Variants in MDN1 observed in about 807,000 individuals in gnomAD.
The protein encoded by MDN1 is midasin AAA ATPase 1.
MDN1 carries 266 observed loss-of-function variants against 669.2 expected under a neutral mutation model. That is an observed-to-expected ratio of 0.40 (90% confidence interval 0.36 to 0.44). The LOEUF is 0.44. Among genes scored for constraint, MDN1 ranks in the 20% least tolerant of loss-of-function variants. The pLI, the probability that MDN1 is intolerant of heterozygous loss-of-function variation, is 1.00. For synonymous variants in MDN1, 2,385 were observed against 2,457.1 expected, an observed-to-expected ratio of 0.97 and a Z score of 0.87; for missense variants, 5,940 against 6,754.0, an observed-to-expected ratio of 0.88 and a Z score of 4.22.
At chr6:89,815,206 G>T in intron 1 of MDN1, 2 of 385,102 alleles carry the variant, frequency 5.2e-6, no homozygotes, top group Admixed American at 3.5e-5. Context: ...CAGTGGAGGC[G>T]GGAGACTGCC....
intron 95 of MDN1, among the ~76,000 whole-genome samples, chr6:89,651,479 G>C (rs568246904): frequency 1.2e-3 from 185 of 152,220 alleles, no homozygotes; most frequent in African/African-American, 4.3e-3. Flanking sequence ...AGTCGGGCGT[G>C]GTGGCAAGTG....
intron 5 of MDN1, among the ~76,000 whole-genome samples, chr6:89,793,137 T>C (rs1191008731): frequency 2.6e-5 from 4 of 152,138 alleles, no homozygotes; most frequent in African/African-American, 2.4e-5. Flanking sequence ...TTGTTGCATA[T>C]GGGAGAGAGG....
In MDN1 at chr6:89,658,562, C is replaced by T. The variant is rs147410314; in HGVS notation, c.15021+48G>A. 7.7e-3 allele frequency: 12,097 copies of T among 1,566,032 alleles called. 63 individuals carry two copies. The highest frequency in any genetic ancestry group is 8.5e-3 in the Non-Finnish European group (9,840 of 1,155,164). ...TTCTAATGGGAATAAGGTGACTTCTCCTCTTCCTCATTATTTTTAACATAA... is the reference window on the plus strand; with the variant it reads ...TTCTAATGGGAATAAGGTGACTTCTTCTCTTCCTCATTATTTTTAACATAA... On this transcript the variant is annotated intron_variant, in intron 89 of 101. Transcript: ENST00000369393.
At chr6:89,771,332 C>G (rs1818067864) in intron 15 of MDN1, among the ~76,000 whole-genome samples, 1 of 152,156 alleles carries the variant, frequency 6.6e-6, no homozygotes, top group South Asian at 2.1e-4. Context: ...TTCCTTCCCA[C>G]TTTAGCCCCT....
chr6:89,664,793 T>C (rs1027804411), intron 84 of MDN1, among the ~76,000 whole-genome samples, 165 bp from the exon 85 acceptor site: 1 of 152,224 alleles, frequency 6.6e-6, no homozygotes, highest in Non-Finnish European at 1.5e-5. Context: ...TTTCTGGAGT[T>C]AGTTTCCACT....
chr6:89,704,091 G>A (rs544546202), intron 53 of MDN1, among the ~76,000 whole-genome samples: 1 of 151,920 alleles, frequency 6.6e-6, no homozygotes, highest in African/African-American at 2.4e-5. Flanking sequence ...TTAGAATTCT[G>A]AAAAACTGGC....
rs750275082 is a variant in MDN1 at position 89,688,153 on chromosome 6, T to C, written c.11280A>G (p.Arg3760=). 1 of 1,613,982 alleles carries C rather than the reference T, an allele frequency of 6.2e-7. No homozygotes were observed. Among genetic ancestry groups the C allele is most frequent in the Non-Finnish European group, 8.5e-7 (1 of 1,179,942 alleles). Residue 3760 remains arginine (R), a synonymous_variant, in exon 67 of 102, where the codon AGA becomes AGG. Coordinates refer to ENST00000369393, the MANE Select transcript of MDN1 (RefSeq NM_014611.3). ...GACTGGAAAGTGGGAAACTACGAAT[T>C]CTGTCCATTACAACCAGGAGCTGCA... ...ALEQLLVVMD[R]IRSFPLSSPI...
At chr6:89,661,841 G>T (rs538381173) in intron 87 of MDN1, among the ~76,000 whole-genome samples, 3 of 152,178 alleles carry the variant, frequency 2.0e-5, no homozygotes, top group African/African-American at 7.2e-5. Context: ...AAATAAACAA[G>T]GGATCACAGG....
intron 2 of MDN1, among the ~76,000 whole-genome samples, chr6:89,795,752 T>A (rs1819557900): frequency 6.6e-6 from 1 of 151,706 alleles, no homozygotes; most frequent in African/African-American, 2.4e-5. Context: ...TCAGGAGTTC[T>A]AGACAGCTGG....
rs760167377 is a variant in MDN1 at position 89,780,281 on chromosome 6, A to G, written c.1656T>C (p.Asn552=). The G allele has an allele frequency of 1.3e-6, 2 of 1,573,002 alleles. No individual in the cohort carries two copies. The highest frequency in any genetic ancestry group is 1.7e-6 in the Non-Finnish European group (2 of 1,162,098). The change falls in exon 11 of 102, where the codon AAT becomes AAC. Residue 552 remains asparagine (N), a synonymous_variant. Transcript: ENST00000369393. ...GRELSLRDLL[N]WCNRIAHSFD... ...AGCTATGGGCAATCCTATTACACCA[A>G]TTCAGCAGATCCCTTTAAAAAAAAG...
At chr6:89,673,204 C>CT (rs757262712) in intron 80 of MDN1, 32 bp downstream of exon 80, 1 of 1,547,148 alleles carries the variant, frequency 6.5e-7, no homozygotes, top group South Asian at 1.1e-5. Flanking sequence ...CTACACTGGA[C>CT]TTTCATTCCC....
chr6:89,781,656 A>C, intron 9 of MDN1, 64 bp from the exon 10 acceptor site: 1 of 1,406,818 alleles, frequency 7.1e-7, no homozygotes, highest in Non-Finnish European at 9.6e-7. Flanking sequence ...AAGCACACAA[A>C]CTACTGCTGA....
intron 86 of MDN1, 53 bp from the exon 87 acceptor site, chr6:89,662,292 T>G: frequency 6.4e-7 from 1 of 1,562,682 alleles, no homozygotes; most frequent in Non-Finnish European, 8.7e-7. Flanking sequence ...AAGAAACTGC[T>G]TCTGCATGGG....
At chr6:89,664,685 C>G in intron 84 of MDN1, 57 bp from the exon 85 acceptor site, 1 of 1,422,494 alleles carries the variant, frequency 7.0e-7, no homozygotes, top group South Asian at 1.2e-5. Flanking sequence ...TTTGCTTCAG[C>G]TGTGAGATAT....
Position 89,772,705 on chromosome 6 carries a change from C to T in MDN1, c.1951G>A (p.Ala651Thr), listed in dbSNP as rs780595213. 8.7e-6 allele frequency: 14 copies of T among 1,613,240 alleles called. No individual in the cohort carries two copies. The East Asian group carries it at 2.0e-4, about 23-fold the overall frequency. ...AGAACAGAGGACGGCCGTGTAGCAG[C>T]GAAAGTGAACTTCTCCCTGGGAAGG... The part of the protein sequence containing the change: ...VHLQREKFTF[A>T]ATRPSSVLIE... Residue 651 changes from alanine (A) to threonine (T), a missense_variant, in exon 14 of 102, where the codon GCT becomes ACT. Ala to Thr is a moderately conservative substitution (Grantham distance 58). This residue lies in a region of MDN1 where 1,203 missense variants were observed against 1,268.9 expected (regional missense o/e 0.95). Coordinates refer to ENST00000369393, the MANE Select transcript of MDN1 (RefSeq NM_014611.3).
chr6:89,797,717 T>C (rs1584387758), intron 2 of MDN1: 1 of 426,522 alleles, frequency 2.3e-6, no homozygotes, highest in Admixed American at 2.9e-5. Context: ...ATTACAGAGG[T>C]GGGTTTGAAT....
chr6:89,697,835 G>A (rs1370774011), intron 59 of MDN1, among the ~76,000 whole-genome samples: 4 of 151,924 alleles, frequency 2.6e-5, no homozygotes, highest in Admixed American at 1.3e-4. Context: ...ACCCACCTCA[G>A]CCTCCCAAAG....
In MDN1 at chr6:89,655,814, G is replaced by A. The variant is rs763726088; in HGVS notation, c.15440C>T (p.Ala5147Val). The A allele has an allele frequency of 4.3e-6, 7 of 1,613,866 alleles. No homozygotes were observed. In the East Asian group the frequency reaches 1.1e-4, roughly 26 times the overall value. ...QPQAQVEDAD[A>V]FEHIKQGSDA... The stretch of plus-strand genomic sequence containing the variant: ...ACTGCCTTGTTTAATGTGCTCGAAT[G>A]CATCTGCATCCTCCACCTGGGCCTG... Residue 5147 changes from alanine to valine, a missense_variant, in exon 92 of 102, where the codon GCA (alanine) becomes GTA (valine). Ala to Val is a moderately conservative substitution (Grantham distance 64). Transcript: ENST00000369393.
chr6:89,780,939 G>A (rs554184007), intron 10 of MDN1, among the ~76,000 whole-genome samples: 3 of 151,670 alleles, frequency 2.0e-5, no homozygotes, highest in South Asian at 2.1e-4. Context: ...GTGAGCCACC[G>A]CGCCTAGCCT....
Sources: gnomAD v4.1 joint callset for allele counts (sites outside exome capture counted in the v4.1 genomes callset) on GRCh38, gnomAD v4.1.1 for gene constraint, gnomAD v4.1.1 regional missense constraint, MANE v1.5 for transcripts, NCBI Gene and HGNC (gene_info 2026-07-23, HGNC 2026-07-21) for gene names.